The following ARHGEF1 variants were observed in gnomAD, a reference collection of about 807,000 sequenced individuals.
ARHGEF1 encodes the protein 115 kDa guanine nucleotide exchange factor.
ARHGEF1 carries 40 observed loss-of-function variants against 119.7 expected under a neutral mutation model. The observed-to-expected ratio is 0.33, with a 90% CI of 0.26 to 0.44. The LOEUF (loss-of-function observed/expected upper bound fraction) is 0.44. Ranked by LOEUF, ARHGEF1 falls within the 20% of genes least tolerant of loss-of-function variation. The pLI, the probability that ARHGEF1 is intolerant of heterozygous loss-of-function variation, is 1.00. For missense variants in ARHGEF1, 976 were observed against 1,268.3 expected, an observed-to-expected ratio of 0.77 and a Z score of 3.50; for synonymous variants, 494 against 521.0, an observed-to-expected ratio of 0.95 and a Z score of 0.71.
chr19:41,914,010 A>G (rs2074770732), intron 18 of ARHGEF1, among the ~76,000 whole-genome samples: 1 of 138,914 alleles, frequency 7.2e-6, no homozygotes, highest in Non-Finnish European at 1.6e-5. Context: ...CACTGCTCCC[A>G]TGCGCCCCCC....
In ARHGEF1 at chr19:41,889,049, C is replaced by T; in HGVS notation, c.225+184C>T. 1 of 591,482 alleles carries T rather than the reference C, an allele frequency of 1.7e-6. No homozygotes were observed. The highest frequency in any genetic ancestry group is 3.0e-6 in the Non-Finnish European group (1 of 335,792). The allele number at this position is 591,482 out of a possible 1,614,324, so 36.6% of individuals were successfully genotyped here. On this transcript the variant is annotated intron_variant, in intron 4 of 28. Transcript: ENST00000354532. This position sits in a 1 kb window ranked among gnomAD's most constrained non-coding sequence, Gnocchi z 4.0. ...CAGAAAGCATGCCACGTGACCTCAA[C>T]AGGCTTACAAGTGCCCAGGGTAGAT...
In ARHGEF1 at chr19:41,892,586, C is replaced by G; in HGVS notation, c.368-17C>G. On this transcript the variant is annotated splice_polypyrimidine_tract_variant and intron_variant, in intron 6 of 28. Coordinates refer to ENST00000354532, the MANE Select transcript of ARHGEF1 (RefSeq NM_004706.4). The surrounding 1 kb of genome is among the most constrained non-coding windows in gnomAD (Gnocchi z 6.3). ...CACCAGGGAGCTGGACCCTAGCCCCCATGTGTGTCCCTGCAGACCGCACTA... is the reference window on the plus strand; with the variant it reads ...CACCAGGGAGCTGGACCCTAGCCCCGATGTGTGTCCCTGCAGACCGCACTA... 6.4e-7 allele frequency: 1 copy of G among 1,572,020 alleles called. No individual in the cohort carries two copies.
At chr19:41,887,945 G>A (rs782164361) in intron 1 of ARHGEF1, 119 bp from the exon 2 acceptor site, 21 of 1,162,184 alleles carry the variant, frequency 1.8e-5, no homozygotes, top group Non-Finnish European at 2.0e-5. Context: ...ATTGAGCTGC[G>A]GAGGCTGGGA....
Position 41,916,072 on chromosome 19 carries a change from G to A in ARHGEF1, c.1866-7020G>A, listed in dbSNP as rs544295220. On this transcript the variant is annotated intron_variant, in intron 18 of 20. Coordinates refer to the ARHGEF1 transcript ENST00000599589. This position sits in a 1 kb window ranked among gnomAD's most constrained non-coding sequence, Gnocchi z 5.4. ...CAGCCATGGCACCGAATGTGTGTGC[G>A]CATGTGAGCGAAGCGGTGTGCAGAG... is the stretch of plus-strand genomic sequence containing the variant. 4.0e-5 allele frequency among the ~76,000 whole-genome samples: 6 copies of A among 151,548 alleles called. No homozygotes were observed. Among genetic ancestry groups the A allele is most frequent in the Non-Finnish European group, 8.8e-5 (6 of 67,940 alleles).
intron 13 of ARHGEF1, 87 bp downstream of exon 13, chr19:41,896,569 G>C (rs868938406): frequency 9.4e-7 from 1 of 1,059,456 alleles, no homozygotes; most frequent in Non-Finnish European, 1.4e-6. Context: ...ATCTGTGCCT[G>C]CCTGTCCCAG....
rs781999337 is a variant in ARHGEF1 at position 41,901,950 on chromosome 19, A to T, written c.1331A>T (p.Gln444Leu). Reference sequence around the variant, plus strand: ...CGGGTGCTGCACGACCTCTTCTTCCAGCCCATGGCAGAATGCCTGTTCTTC... The same window carrying T: ...CGGGTGCTGCACGACCTCTTCTTCCTGCCCATGGCAGAATGCCTGTTCTTC... ...MLRVLHDLFF[Q>L]PMAECLFFPL... The change falls in exon 15 of 29, where the codon CAG (glutamine) becomes CTG (leucine). Residue 444 changes from glutamine to leucine, a missense_variant. Gln to Leu is a moderately radical substitution (Grantham distance 113). Around this residue, in one of 3 missense-constraint regions of ARHGEF1, gnomAD observed 286 missense variants for 506.8 expected, o/e 0.56. Transcript: ENST00000354532. The T allele has an allele frequency of 2.3e-5, 37 of 1,614,012 alleles. 2 individuals are homozygous for T. The Middle Eastern group carries it at 5.0e-4, about 22-fold the overall frequency.
upstream of ARHGEF1, among the ~76,000 whole-genome samples, chr19:41,919,963 C>G (rs1399661805): frequency 7.0e-6 from 1 of 142,068 alleles, no homozygotes; most frequent in East Asian, 2.1e-4. Flanking sequence ...GACGAACTCA[C>G]AGACATGACA....
intron 1 of ARHGEF1, chr19:41,923,369 G>C: frequency 2.3e-5 from 8 of 351,138 alleles, no homozygotes; most frequent in South Asian, 1.7e-4. Context: ...GAGAGAGTCA[G>C]AGAGCTGTAA....
downstream of ARHGEF1, among the ~76,000 whole-genome samples, chr19:41,911,264 G>C (rs2074749791): frequency 6.6e-6 from 1 of 152,172 alleles, no homozygotes; most frequent in Non-Finnish European, 1.5e-5. Flanking sequence ...CCCAAGCCCT[G>C]GGTCCAACTT....
intron 18 of ARHGEF1, among the ~76,000 whole-genome samples, chr19:41,915,207 C>T (rs777806526): frequency 3.4e-5 from 5 of 147,236 alleles, no homozygotes; most frequent in Non-Finnish European, 4.5e-5. Context: ...AACTCCCCGC[C>T]GCCTCCTCCG....
At chr19:41,894,591 G>A (rs2074446483) in intron 10 of ARHGEF1, 35 bp from the exon 11 acceptor site, 3 of 1,613,890 alleles carry the variant, frequency 1.9e-6, no homozygotes, top group Non-Finnish European at 2.5e-6. Context: ...TTCCCCAGCT[G>A]CTCCCACTCA....
At chr19:41,920,551 G>A (rs983213275), upstream of ARHGEF1, among the ~76,000 whole-genome samples, 7 of 149,630 alleles carry the variant, frequency 4.7e-5, no homozygotes, top group South Asian at 2.1e-4. Context: ...GACAGGACAC[G>A]CCCAGATGTT....
rs373879693 is a variant in ARHGEF1, at chr19:41,896,443, C to T, written c.1082C>T (p.Ala361Val). The change falls in exon 13 of 29, where the codon GCG becomes GTG. Residue 361 changes from alanine to valine, a missense_variant. By Grantham distance (64) the Ala-to-Val change is moderately conservative. Around this residue, in one of 3 missense-constraint regions of ARHGEF1, gnomAD observed 519 missense variants for 580.9 expected, o/e 0.89. Coordinates refer to ENST00000354532, the MANE Select transcript of ARHGEF1 (RefSeq NM_004706.4). ...PQGPMSLESL[A>V]PPESTDEGAE... is the part of the protein sequence containing the mutation. ...GGCCCAATGAGCCTGGAGTCCTTGG[C>T]GCCCCCAGAGAGTACCGACGAGGGG... The T allele has an allele frequency of 3.2e-5, 47 of 1,478,126 alleles. No homozygotes were observed. The highest frequency in any genetic ancestry group is 2.3e-4 in the African/African-American group (16 of 70,442). The allele number at this position is 1,478,126 out of a possible 1,614,324, so 91.6% of individuals were successfully genotyped here. A position where few individuals can be genotyped will look rare whatever the true frequency, so the allele number is the denominator to read the frequency against.
Position 41,896,433 on chromosome 19 carries a change from G to C in ARHGEF1, c.1072G>C (p.Glu358Gln), listed in dbSNP as rs1193376566. The C allele has an allele frequency of 5.4e-6, 8 of 1,479,234 alleles. No homozygotes were observed. The highest frequency in any genetic ancestry group is 2.4e-5 in the East Asian group (1 of 41,312). The allele number at this position is 1,479,234 out of a possible 1,614,324, so 91.6% of individuals were successfully genotyped here. A position where few individuals can be genotyped will look rare whatever the true frequency, so the allele number is the denominator to read the frequency against. ...ATCCCCGCAGGGCCCAATGAGCCTGGAGTCCTTGGCGCCCCCAGAGAGTAC... is the reference window on the plus strand; with the variant it reads ...ATCCCCGCAGGGCCCAATGAGCCTGCAGTCCTTGGCGCCCCCAGAGAGTAC... ...DSSPQGPMSL[E>Q]SLAPPESTDE... is the part of the protein sequence containing the mutation. Residue 358 changes from glutamate to glutamine, a missense_variant, in exon 13 of 29, where the codon GAG (glutamate) becomes CAG (glutamine). Physicochemically the swap from Glu to Gln is conservative, Grantham distance 29. Around this residue, in one of 3 missense-constraint regions of ARHGEF1, gnomAD observed 519 missense variants for 580.9 expected, o/e 0.89. Transcript: ENST00000354532.
At chr19:41,897,063 C>G (rs781990862) in intron 13 of ARHGEF1, 13 of 431,862 alleles carry the variant, frequency 3.0e-5, no homozygotes, top group Non-Finnish European at 6.0e-5. Context: ...AGCCCTTCCT[C>G]CCCTTCTCTT....
chr19:41,920,106 TCA>T (rs1297511842), upstream of ARHGEF1, among the ~76,000 whole-genome samples: 2 of 91,082 alleles, frequency 2.2e-5, no homozygotes, highest in Non-Finnish European at 4.1e-5. Flanking sequence ...AGACATACAC[TCA>T]CAGACATGAC....
intron 1 of ARHGEF1, among the ~76,000 whole-genome samples, chr19:41,923,384 C>A (rs1034734792): frequency 2.0e-5 from 3 of 151,624 alleles, no homozygotes; most frequent in Non-Finnish European, 4.4e-5. Context: ...CTGTAAAGAC[C>A]CTGTATGGAG....
chr19:41,915,482 C>G (rs2074795347), intron 18 of ARHGEF1, among the ~76,000 whole-genome samples: 1 of 151,882 alleles, frequency 6.6e-6, no homozygotes, highest in African/African-American at 2.4e-5. Context: ...TTCTGTGTCC[C>G]CACGTCTCTG....
chr19:41,894,726 G>A (rs1555847166), intron 11 of ARHGEF1, 65 bp downstream of exon 11: 12 of 1,574,242 alleles, frequency 7.6e-6, no homozygotes, highest in East Asian at 2.3e-5. Flanking sequence ...GGACCTGGAC[G>A]CCTGGGTCTG....
Sources: gnomAD v4.1 joint callset for allele counts (sites outside exome capture counted in the v4.1 genomes callset) on GRCh38, gnomAD v4.1.1 for gene constraint, gnomAD v4.1.1 regional missense constraint, Gnocchi (gnomAD v3.1) non-coding constraint, MANE v1.5 for transcripts, NCBI Gene and HGNC (gene_info 2026-07-23, HGNC 2026-07-21) for gene names.